Variants in ACTN1 observed in about 807,000 individuals in gnomAD.
ACTN1 encodes the protein alpha-actinin-1.
A neutral mutation model predicts 119.6 loss-of-function variants in ACTN1; 30 were observed. That is an observed-to-expected ratio of 0.25 (90% CI 0.19 to 0.34). The LOEUF is 0.34. Ranked by LOEUF, ACTN1 falls within the 10% of genes least tolerant of loss-of-function variation. The pLI is 1.00. For synonymous variants in ACTN1, 429 were observed against 472.6 expected, an observed-to-expected ratio of 0.91 and a Z score of 1.20; for missense variants, 764 against 1,223.4, an observed-to-expected ratio of 0.62 and a Z score of 5.60.
intron 21 of ACTN1, 59 bp from the exon 22 acceptor site, chr14:68,875,076 C>A: frequency 6.3e-7 from 1 of 1,598,836 alleles, no homozygotes; most frequent in Non-Finnish European, 8.5e-7. Context: ...AGCGGCGCGG[C>A]CCGACACAGC....
At chr14:68,950,265 A>G (rs1252680134) in intron 1 of ACTN1, among the ~76,000 whole-genome samples, 1 of 141,480 alleles carries the variant, frequency 7.1e-6, no homozygotes, top group Non-Finnish European at 1.5e-5. Context: ...CTGTACTCCC[A>G]GTCTGGGTGA....
At chr14:68,964,785 G>A (rs72733548) in intron 1 of ACTN1, among the ~76,000 whole-genome samples, 37,569 of 152,114 alleles carry the variant, frequency 0.25, 5,057 homozygotes, top group African/African-American at 0.32. Flanking sequence ...GCGGTAATAA[G>A]TGCTGGCTGT....
At chr14:68,912,552 T>G (rs536644000) in intron 3 of ACTN1, among the ~76,000 whole-genome samples, 1 of 152,066 alleles carries the variant, frequency 6.6e-6, no homozygotes. Context: ...AATTTTTTCA[T>G]TTTTTGTAGA....
At chr14:68,955,130 C>T (rs1350590128) in intron 1 of ACTN1, among the ~76,000 whole-genome samples, 1 of 152,246 alleles carries the variant, frequency 6.6e-6, no homozygotes, top group African/African-American at 2.4e-5. Flanking sequence ...GTGGCCTCCA[C>T]ATCTACCCTA....
In ACTN1 at chr14:68,880,346, A is replaced by C. The variant is rs1443441512; in HGVS notation, c.2134-238T>G. 6.6e-6 allele frequency among the ~76,000 whole-genome samples: 1 copy of C among 152,164 alleles called. No homozygotes were observed. The highest frequency in any genetic ancestry group is 2.4e-5 in the African/African-American group (1 of 41,430). On this transcript the variant is annotated intron_variant, in intron 17 of 21. Coordinates refer to ENST00000394419, the MANE Select transcript of ACTN1 (RefSeq NM_001130004.2). The surrounding 1 kb of genome is among the most constrained non-coding windows in gnomAD (Gnocchi z 4.6). The stretch of plus-strand genomic sequence containing the variant: ...TGCCTGGGAGAGCAAAGAAACCAGG[A>C]CTTGCCAATGGGGGTCAGGTCAGGA...
At chr14:68,923,654 G>T (rs1293682241) in intron 2 of ACTN1, among the ~76,000 whole-genome samples, 1 of 151,750 alleles carries the variant, frequency 6.6e-6, no homozygotes, top group African/African-American at 2.4e-5. Context: ...AAAGAAAAAA[G>T]AAAATAAATA....
At chr14:68,888,368 G>A in intron 11 of ACTN1, 1 of 270,896 alleles carries the variant, frequency 3.7e-6, no homozygotes, top group Non-Finnish European at 7.2e-6. Context: ...TTGTACCTTG[G>A]CTGTGAGCTG....
At chr14:68,899,804 TGGGAAGAG>T in intron 8 of ACTN1, among the ~76,000 whole-genome samples, 1 of 152,050 alleles carries the variant, frequency 6.6e-6, no homozygotes, top group Middle Eastern at 3.4e-3. Context: ...GAAGGAGCTT[TGGGAAGAG>T]GGGAAAAGAC....
At chr14:68,899,035 A>AC (rs1566614012) in intron 8 of ACTN1, among the ~76,000 whole-genome samples, 1 of 133,028 alleles carries the variant, frequency 7.5e-6, no homozygotes, top group African/African-American at 3.0e-5. Flanking sequence ...CCACACACAC[A>AC]CACATGCCAC....
intron 1 of ACTN1, among the ~76,000 whole-genome samples, chr14:68,931,882 C>A (rs1319230809): frequency 1.3e-5 from 2 of 152,018 alleles, no homozygotes; most frequent in African/African-American, 4.8e-5. Context: ...AGGCAGGGCT[C>A]GGCAAGGGCA....
chr14:68,957,524 C>T (rs2140579127), intron 1 of ACTN1, among the ~76,000 whole-genome samples: 1 of 152,380 alleles, frequency 6.6e-6, no homozygotes, highest in East Asian at 1.9e-4. Context: ...TTTGATCAGT[C>T]ATTACAGTTC....
chr14:68,951,550 C>T (rs1201538644), intron 1 of ACTN1, among the ~76,000 whole-genome samples: 1 of 152,210 alleles, frequency 6.6e-6, no homozygotes, highest in Non-Finnish European at 1.5e-5. Flanking sequence ...CTGACGTTCC[C>T]GCTGACTAGC....
intron 1 of ACTN1, among the ~76,000 whole-genome samples, chr14:68,933,980 G>GA (rs60158948): frequency 0.039 from 4,670 of 119,672 alleles, 144 homozygotes; most frequent in Non-Finnish European, 0.052. Flanking sequence ...CCTGTCTCAA[G>GA]AAAAAAAAAA....
chr14:68,920,159 C>G (rs1594815258), intron 3 of ACTN1, among the ~76,000 whole-genome samples: 1 of 152,336 alleles, frequency 6.6e-6, no homozygotes, highest in Middle Eastern at 3.4e-3. Flanking sequence ...CTTTAAGCAT[C>G]TGTTTTCTTA....
At chr14:68,916,919 CAG>C (rs2034327921) in intron 3 of ACTN1, among the ~76,000 whole-genome samples, 1 of 152,136 alleles carries the variant, frequency 6.6e-6, no homozygotes, top group African/African-American at 2.4e-5. Context: ...TTCCATGTGA[CAG>C]AAACTAGAAC....
intron 20 of ACTN1, 79 bp from the exon 21 acceptor site, chr14:68,877,319 G>A: frequency 6.5e-7 from 1 of 1,550,088 alleles, no homozygotes; most frequent in South Asian, 1.2e-5. Flanking sequence ...GACCCTGGGG[G>A]CTCAGAGCAG....
At chr14:68,912,131 G>A (rs770090251) in intron 4 of ACTN1, 25 bp downstream of exon 4, 7 of 1,609,364 alleles carry the variant, frequency 4.3e-6, no homozygotes, top group Non-Finnish European at 6.0e-6. Flanking sequence ...TGGTGATGGC[G>A]GGATGGAACA....
chr14:68,935,387 ATTTT>A (rs560204692), intron 1 of ACTN1, among the ~76,000 whole-genome samples: 1,722 of 56,382 alleles, frequency 0.031, 35 homozygotes, highest in African/African-American at 0.13. Flanking sequence ...CTCTCTGTTC[ATTTT>A]TTTTTTTTTT....
chr14:68,932,985 T>C (rs937176672), intron 1 of ACTN1, among the ~76,000 whole-genome samples: 1 of 152,184 alleles, frequency 6.6e-6, no homozygotes, highest in Non-Finnish European at 1.5e-5. Flanking sequence ...CCAGATCCTC[T>C]CCTGAGTGCT....
Sources: gnomAD v4.1 joint callset for allele counts (sites outside exome capture counted in the v4.1 genomes callset) on GRCh38, gnomAD v4.1.1 for gene constraint, Gnocchi (gnomAD v3.1) non-coding constraint, MANE v1.5 for transcripts, NCBI Gene and HGNC (gene_info 2026-07-23, HGNC 2026-07-21) for gene names.